Variants in ARHGEF3 observed in about 807,000 individuals in gnomAD.
ARHGEF3 encodes the protein Rho guanine nucleotide exchange factor 3, also known as 59.8 kDA protein.
In ARHGEF3, 28 loss-of-function variants were observed where a neutral mutation model predicts 63.2. That is an observed-to-expected ratio of 0.44 (90% CI 0.33 to 0.61). The LOEUF (loss-of-function observed/expected upper bound fraction) is 0.61, where lower values mean the gene tolerates loss of function less well. ARHGEF3 is among the 20% of genes least tolerant of loss of function. The probability of loss-of-function intolerance (pLI) is 0.03; values close to 1 mark genes in which losing one functional copy is unlikely to be tolerated. For synonymous variants in ARHGEF3, 266 were observed against 254.2 expected (o/e 1.05, Z -0.44); for missense variants, 533 against 659.3 (o/e 0.81, Z 2.10).
At chr3:56,902,508 C>A (rs1295853344) in intron 3 of ARHGEF3, among the ~76,000 whole-genome samples, 3 of 152,144 alleles carry the variant, frequency 2.0e-5, no homozygotes, top group Non-Finnish European at 4.4e-5. Context: ...TCCCTACATC[C>A]TTTTTAGTCT....
intron 3 of ARHGEF3, among the ~76,000 whole-genome samples, chr3:56,889,530 A>G (rs901445338): frequency 2.0e-5 from 3 of 152,176 alleles, no homozygotes; most frequent in Non-Finnish European, 4.4e-5. Flanking sequence ...GCCCGGTTTA[A>G]GTAAGCCTTG....
At chr3:56,732,058 A>C (rs2033203581) in intron 9 of ARHGEF3, 180 bp downstream of exon 9, 2 of 705,600 alleles carry the variant, frequency 2.8e-6, no homozygotes, top group Non-Finnish European at 4.7e-6. Context: ...TCCATTTTGG[A>C]GATGAGAAAC....
intron 4 of ARHGEF3, among the ~76,000 whole-genome samples, chr3:56,845,263 T>A (rs2039449702): frequency 6.6e-6 from 1 of 152,250 alleles, no homozygotes; most frequent in Non-Finnish European, 1.5e-5. Flanking sequence ...AAGGCCTAGC[T>A]AAGCAATGTT....
intron 1 of ARHGEF3, chr3:57,075,496 T>C (rs1706171444): frequency 7.0e-6 from 1 of 143,538 alleles, no homozygotes; most frequent in East Asian, 1.9e-4. Flanking sequence ...TCCTCTTTTT[T>C]TTTCTTCTTT....
At chr3:57,063,312 T>C (rs1486870967) in intron 1 of ARHGEF3, among the ~76,000 whole-genome samples, 1 of 152,108 alleles carries the variant, frequency 6.6e-6, no homozygotes, top group Admixed American at 6.5e-5. Flanking sequence ...GGCTTTGGCT[T>C]TGTTGCAGTG....
At chr3:56,903,858 A>G (rs1336864490) in intron 3 of ARHGEF3, among the ~76,000 whole-genome samples, 1 of 152,116 alleles carries the variant, frequency 6.6e-6, no homozygotes. Context: ...TATACACAGT[A>G]TTAGAAAATA....
intron 2 of ARHGEF3, among the ~76,000 whole-genome samples, chr3:57,013,328 C>T (rs536173469): frequency 6.6e-6 from 1 of 152,346 alleles, no homozygotes; most frequent in South Asian, 2.1e-4. Flanking sequence ...CAGCTGGGCT[C>T]CTGAGTCCAG....
intron 4 of ARHGEF3, among the ~76,000 whole-genome samples, chr3:56,810,187 C>T (rs2038014697): frequency 2.0e-5 from 3 of 152,120 alleles, no homozygotes; most frequent in Admixed American, 2.0e-4. Context: ...ACTACAAACT[C>T]AGTAATCAAA....
chr3:56,775,341 CTG>C (rs1315302290), intron 1 of ARHGEF3: 2 of 1,150,328 alleles, frequency 1.7e-6, no homozygotes, highest in African/African-American at 3.2e-5. Flanking sequence ...TTGAAATAGA[CTG>C]TCTCCAAGCT....
rs542100151 is a variant in ARHGEF3 at position 56,797,925 on chromosome 3, C to T, written c.96+3778G>A. Among the ~76,000 whole-genome samples, 4 of 152,336 alleles carry T rather than the reference C, an allele frequency of 2.6e-5. No individual in the cohort carries two copies. The South Asian group carries it at 8.3e-4, about 32-fold the overall frequency. Reference sequence around the variant, plus strand: ...AGGGATGCTGATATTAAATGCTGGACGGAATCCATCAGGAAATTTGACATT... The same window carrying T: ...AGGGATGCTGATATTAAATGCTGGATGGAATCCATCAGGAAATTTGACATT... On this transcript the variant is annotated intron_variant, in intron 1 of 9. Coordinates refer to ENST00000296315, the MANE Select transcript of ARHGEF3 (RefSeq NM_019555.3).
chr3:56,737,799 A>G (rs1313290311), intron 7 of ARHGEF3, among the ~76,000 whole-genome samples: 1 of 152,206 alleles, frequency 6.6e-6, no homozygotes, highest in Non-Finnish European at 1.5e-5. Flanking sequence ...AATAGCTTCA[A>G]CGTCTCTCTA....
At chr3:56,914,594 G>A (rs2041937206) in intron 3 of ARHGEF3, among the ~76,000 whole-genome samples, 1 of 152,138 alleles carries the variant, frequency 6.6e-6, no homozygotes, top group Non-Finnish European at 1.5e-5. Flanking sequence ...CAGAGAAATT[G>A]AGTATTTGTT....
At chr3:57,035,272 A>C in intron 1 of ARHGEF3, 1 of 629,486 alleles carries the variant, frequency 1.6e-6, no homozygotes, top group Non-Finnish European at 2.5e-6. Flanking sequence ...GGAATATATC[A>C]AGGGTTACCC....
intron 6 of ARHGEF3, among the ~76,000 whole-genome samples, chr3:56,747,157 C>T (rs1468415009): frequency 6.6e-6 from 1 of 152,194 alleles, no homozygotes; most frequent in Admixed American, 6.5e-5. Context: ...AAAAGGGCCT[C>T]AGGCCCTCTT....
At chr3:57,072,164 G>A (rs1705944351) in intron 1 of ARHGEF3, among the ~76,000 whole-genome samples, 1 of 152,196 alleles carries the variant, frequency 6.6e-6, no homozygotes, top group African/African-American at 2.4e-5. Flanking sequence ...CTCGTGCACT[G>A]CTGGTGGGAT....
chr3:56,883,972 T>C (rs924374677), intron 3 of ARHGEF3, among the ~76,000 whole-genome samples: 5 of 152,234 alleles, frequency 3.3e-5, no homozygotes, highest in African/African-American at 1.2e-4. Flanking sequence ...AAAGGTTTGT[T>C]GAGCATTTAC....
chr3:56,978,592 G>A (rs1420172846), intron 2 of ARHGEF3, among the ~76,000 whole-genome samples: 1 of 152,062 alleles, frequency 6.6e-6, no homozygotes, highest in African/African-American at 2.4e-5. Context: ...ACTTCTATAT[G>A]GGCATATCAA....
At chr3:56,909,621 G>A (rs189277876) in intron 3 of ARHGEF3, among the ~76,000 whole-genome samples, 5 of 152,220 alleles carry the variant, frequency 3.3e-5, no homozygotes, top group Admixed American at 3.3e-4. Context: ...TCACTAGTCA[G>A]CACTCAAGAG....
intron 4 of ARHGEF3, among the ~76,000 whole-genome samples, chr3:56,880,037 C>T (rs1500710): frequency 6.6e-6 from 1 of 151,994 alleles, no homozygotes; most frequent in Non-Finnish European, 1.5e-5. Context: ...TAATGGTCAG[C>T]GGAATCTGCA....
Sources: gnomAD v4.1 joint callset for allele counts (sites outside exome capture counted in the v4.1 genomes callset) on GRCh38, gnomAD v4.1.1 for gene constraint, MANE v1.5 for transcripts, NCBI Gene and HGNC (gene_info 2026-07-23, HGNC 2026-07-21) for gene names.